MARK2: variants seen among roughly 807,000 people sequenced by gnomAD.
MARK2 encodes the protein serine/threonine-protein kinase MARK2.
In MARK2, 16 loss-of-function variants were observed where a neutral mutation model predicts 89.8. The ratio of observed to expected loss-of-function variants is 0.18; its 90% CI spans 0.12 to 0.27. MARK2 has a LOEUF of 0.27. Ranked by LOEUF, MARK2 falls within the 10% of genes least tolerant of loss-of-function variation. The pLI is 1.00. For synonymous variants in MARK2, 382 were observed against 399.5 expected, an observed-to-expected ratio of 0.96 and a Z score of 0.52; for missense variants, 621 against 1,049.9, an observed-to-expected ratio of 0.59 and a Z score of 5.65.
Position 63,902,740 on chromosome 11 carries a change from G to T in MARK2, c.1374G>T (p.Leu458=), listed in dbSNP as rs924136853. ...CAGCCAAGGTGCCTGCCAGCCCCCT[G>T]CCCGGTCTGGAGAGGAAGAAGACCA... is the stretch of plus-strand genomic sequence containing the variant. ...SSTAKVPASP[L]PGLERKKTTP... is the part of the protein sequence containing the mutation. Residue 458 remains leucine (L), a synonymous_variant, in exon 13 of 19, where the codon CTG becomes CTT. Coordinates refer to ENST00000402010, the MANE Select transcript of MARK2 (RefSeq NM_001039469.3). This position sits in a 1 kb window ranked among gnomAD's most constrained non-coding sequence, Gnocchi z 4.2. 1.2e-6 allele frequency: 2 copies of T among 1,613,634 alleles called. No individual in the cohort carries two copies. Among genetic ancestry groups the T allele is most frequent in the Non-Finnish European group, 1.7e-6 (2 of 1,179,972 alleles).
Position 63,900,068 on chromosome 11 carries a change from A to C in MARK2, c.726A>C (p.Thr242=). The change falls in exon 8 of 19, where the codon ACA becomes ACC. Residue 242 remains threonine, a synonymous_variant. Coordinates refer to ENST00000402010, the MANE Select transcript of MARK2 (RefSeq NM_001039469.3). The surrounding 1 kb of genome is among the most constrained non-coding windows in gnomAD (Gnocchi z 4.7). ...GGAGCCTAGGAGTTATCCTCTATAC[A>C]CTGGTCAGCGGATCCCTGCCTTTTG... ...DVWSLGVILY[T]LVSGSLPFDG... is the part of the protein sequence containing the mutation. The C allele has an allele frequency of 6.2e-7, 1 of 1,614,080 alleles. No individual in the cohort carries two copies. The highest frequency in any genetic ancestry group is 8.5e-7 in the Non-Finnish European group (1 of 1,179,988).
Position 63,903,174 on chromosome 11 carries a change from C to T in MARK2, c.1514+16C>T, listed in dbSNP as rs372749092. On this transcript the variant is annotated intron_variant, in intron 14 of 18. Coordinates refer to ENST00000402010, the MANE Select transcript of MARK2 (RefSeq NM_001039469.3). The surrounding 1 kb of genome is among the most constrained non-coding windows in gnomAD (Gnocchi z 5.1). ...GCAAAGACAGGTGAGAGACCCGGGC[C>T]CTGCCTGCCTCACTCCCTAGGAGCC... The T allele has an allele frequency of 1.9e-6, 3 of 1,590,538 alleles. No individual in the cohort carries two copies. The highest frequency in any genetic ancestry group is 1.3e-5 in the African/African-American group (1 of 74,508).
chr11:63,856,384 C>G (rs1436716973), intron 1 of MARK2, among the ~76,000 whole-genome samples: 1 of 59,836 alleles, frequency 1.7e-5, no homozygotes, highest in African/African-American at 6.8e-5. Context: ...TTCTTTATTT[C>G]TTAAATTTTT....
intron 1 of MARK2, among the ~76,000 whole-genome samples, chr11:63,877,325 G>A (rs1479038590): frequency 5.3e-5 from 8 of 151,770 alleles, no homozygotes; most frequent in African/African-American, 1.9e-4. Context: ...TGGCCAGTCT[G>A]GTCTCGAACG....
intron 1 of MARK2, among the ~76,000 whole-genome samples, chr11:63,858,281 G>A (rs1408091719): frequency 6.6e-6 from 1 of 152,116 alleles, no homozygotes; most frequent in African/African-American, 2.4e-5. Context: ...CTCCCAAAGT[G>A]CTAGGATTAC....
At chr11:63,898,154 A>G in intron 3 of MARK2, 78 bp from the exon 4 acceptor site, 2 of 1,311,962 alleles carry the variant, frequency 1.5e-6, no homozygotes, top group South Asian at 2.5e-5. Flanking sequence ...GGGAAAAACA[A>G]ATCCTGGCAG....
intron 17 of MARK2, among the ~76,000 whole-genome samples, chr11:63,906,361 AGG>A (rs1941336036): frequency 6.6e-6 from 1 of 152,218 alleles, no homozygotes; most frequent in Non-Finnish European, 1.5e-5. Flanking sequence ...TGGCCCACTC[AGG>A]GCAAATGGCT....
intron 4 of MARK2, 134 bp downstream of exon 4, chr11:63,898,414 C>A: frequency 1.0e-6 from 1 of 980,064 alleles, no homozygotes; most frequent in South Asian, 1.4e-5. Flanking sequence ...AAGCTCAGCT[C>A]AAAATCCATC....
At chr11:63,841,481 A>G (rs998935891) in intron 1 of MARK2, among the ~76,000 whole-genome samples, 9 of 152,212 alleles carry the variant, frequency 5.9e-5, no homozygotes, top group Non-Finnish European at 1.0e-4. Context: ...TGTGTCTCGC[A>G]GTCTTTCTCT....
intron 17 of MARK2, among the ~76,000 whole-genome samples, chr11:63,906,503 C>T (rs559463531): frequency 6.9e-5 from 10 of 145,390 alleles, no homozygotes; most frequent in Admixed American, 5.5e-4. Context: ...CTCCCTCTCA[C>T]CCCAGGTTTT....
chr11:63,873,745 A>C (rs1938585545), intron 1 of MARK2, among the ~76,000 whole-genome samples: 1 of 152,164 alleles, frequency 6.6e-6, no homozygotes, highest in Non-Finnish European at 1.5e-5. Context: ...CCCCAGATTA[A>C]AGCGATTCTT....
chr11:63,862,623 A>T, intron 1 of MARK2, among the ~76,000 whole-genome samples: 1 of 152,022 alleles, frequency 6.6e-6, no homozygotes, highest in East Asian at 1.9e-4. Flanking sequence ...GCTATGGGAG[A>T]CCTTTTTAAG....
intron 1 of MARK2, among the ~76,000 whole-genome samples, chr11:63,867,755 C>G (rs1938214063): frequency 6.6e-6 from 1 of 152,206 alleles, no homozygotes; most frequent in Non-Finnish European, 1.5e-5. Flanking sequence ...CTCACCATGG[C>G]TGACGCCGTG....
Position 63,903,119 on chromosome 11 carries a change from C to A in MARK2, c.1475C>A (p.Ala492Asp). The A allele has an allele frequency of 6.2e-7, 1 of 1,613,912 alleles. No individual in the cohort carries two copies. Among genetic ancestry groups the A allele is most frequent in the South Asian group, 1.1e-5 (1 of 91,088 alleles). The change falls in exon 14 of 19, where the codon GCC becomes GAC. Residue 492 changes from alanine (A) to aspartate (D), a missense_variant. Physicochemically the swap from Ala to Asp is moderately radical, Grantham distance 126 (BLOSUM62 -2). This residue lies in a region of MARK2 where 397 missense variants were observed against 567.8 expected (regional missense o/e 0.70). Coordinates refer to ENST00000402010, the MANE Select transcript of MARK2 (RefSeq NM_001039469.3). The surrounding 1 kb of genome is among the most constrained non-coding windows in gnomAD (Gnocchi z 5.1). ...RSRNSPLLERASLGQASIQNG... is the reference protein window; with the variant it reads ...RSRNSPLLERDSLGQASIQNG... ...AGGAATTCCCCACTTTTGGAGCGGG[C>A]CAGCCTCGGCCAGGCCTCCATCCAG...
intron 1 of MARK2, among the ~76,000 whole-genome samples, chr11:63,845,426 C>T (rs933430333): frequency 1.3e-5 from 2 of 152,148 alleles, no homozygotes; most frequent in Admixed American, 6.5e-5. Context: ...AAATTTCCTT[C>T]TCTTGATGGG....
At chr11:63,901,574 G>T (rs2134218933) in intron 11 of MARK2, among the ~76,000 whole-genome samples, 1 of 139,530 alleles carries the variant, frequency 7.2e-6, no homozygotes, top group Non-Finnish European at 1.5e-5. Context: ...CGCCTCCCGG[G>T]TTCAAGCGAT....
intron 1 of MARK2, among the ~76,000 whole-genome samples, chr11:63,867,174 G>A (rs572092968): frequency 6.6e-6 from 1 of 152,302 alleles, no homozygotes; most frequent in South Asian, 2.1e-4. Flanking sequence ...CCACAGTCAT[G>A]TGCCACAACA....
intron 1 of MARK2, among the ~76,000 whole-genome samples, chr11:63,881,098 G>A (rs1346293799): frequency 2.6e-5 from 4 of 151,942 alleles, no homozygotes; most frequent in Non-Finnish European, 5.9e-5. Context: ...GAGGTCAGGA[G>A]TTCGAGACCA....
At chr11:63,884,431 G>T (rs906361873) in intron 1 of MARK2, among the ~76,000 whole-genome samples, 1 of 152,260 alleles carries the variant, frequency 6.6e-6, no homozygotes, top group African/African-American at 2.4e-5. Context: ...TCCTGGGGGA[G>T]CCCCGCCTCA....
Sources: gnomAD v4.1 joint callset for allele counts (sites outside exome capture counted in the v4.1 genomes callset) on GRCh38, gnomAD v4.1.1 for gene constraint, gnomAD v4.1.1 regional missense constraint, Gnocchi (gnomAD v3.1) non-coding constraint, MANE v1.5 for transcripts, NCBI Gene and HGNC (gene_info 2026-07-23, HGNC 2026-07-21) for gene names.